The following ATP2B1 variants were observed in gnomAD, a reference collection of about 807,000 sequenced individuals.
ATP2B1 encodes the protein ATPase plasma membrane Ca2+ transporting 1.
Under a neutral mutation model 124.2 loss-of-function variants are expected in ATP2B1, and 14 were observed. The ratio of observed to expected loss-of-function variants is 0.11; its 90% CI spans 0.07 to 0.18. The LOEUF is 0.18. ATP2B1 is among the 10% of genes least tolerant of loss of function. ATP2B1 has a pLI of 1.00. For missense variants in ATP2B1, 763 were observed against 1,466.1 expected, an observed-to-expected ratio of 0.52 and a Z score of 7.83; for synonymous variants, 449 against 492.4, an observed-to-expected ratio of 0.91 and a Z score of 1.17.
rs970556585 is a variant in ATP2B1, at chr12:89,692,379, C to A, written c.-222+16217G>T. Reference sequence around the variant, plus strand: ...TTGATGAGAAAAAACAAAATCAATTCCAGGCTGGGACGACTGTGTGGAATC... The same window carrying A: ...TTGATGAGAAAAAACAAAATCAATTACAGGCTGGGACGACTGTGTGGAATC... On this transcript the variant is annotated intron_variant, in intron 1 of 20. Transcript: ENST00000428670. Among the ~76,000 whole-genome samples, 56 of 152,166 alleles carry A rather than the reference C, an allele frequency of 3.7e-4. 1 individual carries two copies. Among genetic ancestry groups the A allele is most frequent in the African/African-American group, 1.3e-3 (55 of 41,518 alleles).
At chr12:89,620,928 T>C (rs1353309712) in intron 10 of ATP2B1, among the ~76,000 whole-genome samples, 1 of 152,188 alleles carries the variant, frequency 6.6e-6, no homozygotes, top group Non-Finnish European at 1.5e-5. Context: ...CAGCTTGCAA[T>C]ATTATTTTTG....
intron 5 of ATP2B1, among the ~76,000 whole-genome samples, chr12:89,631,513 T>C (rs1370248155): frequency 6.6e-6 from 1 of 152,178 alleles, no homozygotes; most frequent in Non-Finnish European, 1.5e-5. Context: ...TCTCTGTGTC[T>C]TCCCAGTTCA....
In ATP2B1 at chr12:89,708,586, C is replaced by T. The variant is rs1436614913; in HGVS notation, c.-222+10G>A. The T allele has an allele frequency of 6.6e-6, 1 of 151,678 alleles. No individual in the cohort carries two copies. Among genetic ancestry groups the T allele is most frequent in the African/African-American group, 2.4e-5 (1 of 41,338 alleles). 9.4% of individuals were successfully genotyped at this position (151,678 alleles called of 1,614,324 possible). ...CCCCCGGCCGCGGGCGGGCGGCGGCCGCCACTCACCTCGCCCGGCAGTGGG... is the reference window on the plus strand; with the variant it reads ...CCCCCGGCCGCGGGCGGGCGGCGGCTGCCACTCACCTCGCCCGGCAGTGGG... On this transcript the variant is annotated intron_variant, in intron 1 of 20. Transcript: ENST00000428670.
intron 1 of ATP2B1, among the ~76,000 whole-genome samples, chr12:89,675,198 A>C (rs1029909624): frequency 3.9e-5 from 6 of 152,216 alleles, no homozygotes; most frequent in African/African-American, 1.4e-4. Flanking sequence ...AAACACAAAG[A>C]CTGAAAAAGG....
At chr12:89,694,263 T>C (rs1451318240) in intron 1 of ATP2B1, among the ~76,000 whole-genome samples, 5 of 152,170 alleles carry the variant, frequency 3.3e-5, no homozygotes, top group Admixed American at 6.5e-5. Flanking sequence ...CTATTCTCTC[T>C]CCCTCTCATA....
At position 89,655,880 on chromosome 12, in the gene ATP2B1, C is replaced by T. The variant is rs1198120882; in HGVS notation, c.7G>A (p.Asp3Asn). MG[D>N]MANNSVAYSG... ...TAAGCAACTGAGTTGTTTGCCATGT[C>T]GCCCATTACAAGTATAATATATCAG... Residue 3 changes from aspartate (D) to asparagine (N), a missense_variant, in exon 2 of 21, where the codon GAC (aspartate) becomes AAC (asparagine). By Grantham distance (23) the Asp-to-Asn change is conservative. Around this residue, in one of 7 missense-constraint regions of ATP2B1, gnomAD observed 93 missense variants for 112.7 expected, o/e 0.83. Coordinates refer to ENST00000428670, the MANE Select transcript of ATP2B1 (RefSeq NM_001366521.1). The T allele has an allele frequency of 1.9e-6, 3 of 1,589,762 alleles. No homozygotes were observed. The highest frequency in any genetic ancestry group is 2.6e-6 in the Non-Finnish European group (3 of 1,165,562).
In ATP2B1 at chr12:89,590,889, CAAG is replaced by C. The variant is rs1873427665; in HGVS notation, c.*92_*94del. The C allele has an allele frequency of 9.9e-6, 12 of 1,215,880 alleles. No individual in the cohort carries two copies. The South Asian group carries it at 1.7e-4, about 17-fold the overall frequency. 75.3% of individuals were successfully genotyped at this position (1,215,880 alleles called of 1,614,324 possible). On this transcript the variant is annotated 3_prime_UTR_variant, in exon 21 of 21. Transcript: ENST00000428670. ...TGTGTCTTCTGTTGAAGTCCAAAGACAAGAATACTAGCTTGTCCATCACAATAT... is the reference window on the plus strand; with the variant it reads ...TGTGTCTTCTGTTGAAGTCCAAAGACAATACTAGCTTGTCCATCACAATAT...
intron 18 of ATP2B1, 118 bp from the exon 19 acceptor site, chr12:89,601,551 T>C (rs1875846386): frequency 7.3e-6 from 4 of 546,076 alleles, no homozygotes; most frequent in Non-Finnish European, 1.2e-5. Flanking sequence ...TTCTGATGAA[T>C]TGTATTATAT....
chr12:89,640,342 G>A (rs1039090698), intron 3 of ATP2B1, among the ~76,000 whole-genome samples: 2 of 152,172 alleles, frequency 1.3e-5, no homozygotes, highest in African/African-American at 2.4e-5. Context: ...TATCTATAGT[G>A]ATTTTCAACC....
intron 2 of ATP2B1, among the ~76,000 whole-genome samples, chr12:89,646,179 G>T (rs1168405394): frequency 6.6e-6 from 1 of 152,080 alleles, no homozygotes; most frequent in Non-Finnish European, 1.5e-5. Context: ...GAGAATTGAA[G>T]AATTAGGAGG....
At position 89,626,476 on chromosome 12, in the gene ATP2B1, C is replaced by T. The variant is rs1416217565; in HGVS notation, c.1107G>A (p.Leu369=). Reference sequence around the variant, plus strand: ...TACCTGCTTTGCCAATCTGAACAGCCAGTTTTGTAAGTTTCCCTTGTAAAA... The same window carrying T: ...TACCTGCTTTGCCAATCTGAACAGCTAGTTTTGTAAGTTTCCCTTGTAAAA... The part of the protein sequence containing the change: ...KSVLQGKLTK[L]AVQIGKAGLL... Residue 369 remains leucine, a synonymous_variant, in exon 8 of 21, where the codon CTG becomes CTA. Transcript: ENST00000428670. 3 of 1,611,452 alleles carry T rather than the reference C, an allele frequency of 1.9e-6. No individual in the cohort carries two copies. The highest frequency in any genetic ancestry group is 3.4e-5 in the Admixed American group (2 of 59,424).
intron 15 of ATP2B1, among the ~76,000 whole-genome samples, chr12:89,609,323 C>G (rs1392276515): frequency 1.3e-5 from 2 of 152,144 alleles, no homozygotes. Flanking sequence ...ATTTTGCAAT[C>G]AAATGAGTCT....
At chr12:89,638,096 TA>T (rs759864744) in intron 3 of ATP2B1, among the ~76,000 whole-genome samples, 3 of 152,096 alleles carry the variant, frequency 2.0e-5, no homozygotes, top group Non-Finnish European at 4.4e-5. Flanking sequence ...AGAGAAGTTA[TA>T]GGGGAAAAAG....
intron 1 of ATP2B1, among the ~76,000 whole-genome samples, chr12:89,667,861 A>G (rs1041049002): frequency 4.6e-5 from 7 of 152,184 alleles, no homozygotes; most frequent in Non-Finnish European, 1.5e-5. Flanking sequence ...TACCAACACC[A>G]TTTTTCACAG....
chr12:89,629,304 A>C (rs1268154097), intron 6 of ATP2B1, among the ~76,000 whole-genome samples: 8 of 152,204 alleles, frequency 5.3e-5, no homozygotes, highest in Non-Finnish European at 5.9e-5. Context: ...CAGTTTACTT[A>C]TCAGTAAAAA....
chr12:89,639,581 TAAAAATA>T (rs1045351839), intron 3 of ATP2B1, among the ~76,000 whole-genome samples: 2 of 149,378 alleles, frequency 1.3e-5, no homozygotes, highest in African/African-American at 4.9e-5. Context: ...ATATATATAA[TAAAAATA>T]AAAAATAAAA....
chr12:89,620,159 T>C lies in ATP2B1; in HGVS notation c.1669A>G (p.Lys557Glu). ...TTTCTAACATCCTGATAATCCCGTTTTAAATCCAAAAGAAGTCCCAACAAG... is the reference window on the plus strand; with the variant it reads ...TTTCTAACATCCTGATAATCCCGTTCTAAATCCAAAAGAAGTCCCAACAAG... The part of the protein sequence containing the change: ...CALLGLLLDL[K>E]RDYQDVRNEI... The change falls in exon 11 of 21, where the codon AAA becomes GAA. Residue 557 changes from lysine to glutamate, a missense_variant. Physicochemically the swap from Lys to Glu is moderately conservative, Grantham distance 56. This residue lies in a region of ATP2B1 where 392 missense variants were observed against 776.6 expected (regional missense o/e 0.50). Coordinates refer to ENST00000428670, the MANE Select transcript of ATP2B1 (RefSeq NM_001366521.1). 1 of 1,614,116 alleles carries C rather than the reference T, an allele frequency of 6.2e-7. No homozygotes were observed. The highest frequency in any genetic ancestry group is 8.5e-7 in the Non-Finnish European group (1 of 1,180,004).
chr12:89,640,268 A>T (rs897490157), intron 3 of ATP2B1, among the ~76,000 whole-genome samples: 2 of 152,194 alleles, frequency 1.3e-5, no homozygotes, highest in Non-Finnish European at 2.9e-5. Context: ...TTTAGCAAAA[A>T]TAAATAAAAG....
chr12:89,609,871 C>G, intron 15 of ATP2B1, 66 bp downstream of exon 15: 1 of 1,434,624 alleles, frequency 7.0e-7, no homozygotes. Context: ...AGTCAACAAA[C>G]AAACAAACAA....
Sources: allele counts gnomAD v4.1 joint callset (sites outside exome capture counted in the v4.1 genomes callset), GRCh38; gene constraint gnomAD v4.1.1; regional missense constraint gnomAD v4.1.1; transcripts MANE v1.5; gene names NCBI Gene and HGNC (gene_info 2026-07-23, HGNC 2026-07-21).